CLEC16A: variants seen among roughly 807,000 people sequenced by gnomAD.
The protein encoded by CLEC16A is protein CLEC16A.
CLEC16A carries 51 observed loss-of-function variants against 109.5 expected under a neutral mutation model. The observed-to-expected ratio is 0.47, with a 90% confidence interval of 0.37 to 0.59. The LOEUF is 0.59. Among genes scored for constraint, CLEC16A ranks in the 20% least tolerant of loss-of-function variants. CLEC16A has a pLI of 0.00. For synonymous variants in CLEC16A, 673 were observed against 564.2 expected (o/e 1.19, Z -2.73); for missense variants, 1,339 against 1,394.0 (o/e 0.96, Z 0.63).
intron 9 of CLEC16A, among the ~76,000 whole-genome samples, chr16:10,980,844 T>G (rs891596921): frequency 2.0e-5 from 3 of 152,236 alleles, no homozygotes; most frequent in Non-Finnish European, 2.9e-5. Flanking sequence ...GTATAAATCC[T>G]GTGTCCTGAA....
intron 22 of CLEC16A, among the ~76,000 whole-genome samples, chr16:11,139,734 T>C (rs1006793492): frequency 6.6e-6 from 1 of 152,248 alleles, no homozygotes; most frequent in Admixed American, 6.5e-5. Flanking sequence ...ATGCTTCAAC[T>C]GTATGAACTG....
At chr16:11,111,732 A>G (rs1241134374) in intron 19 of CLEC16A, among the ~76,000 whole-genome samples, 1 of 152,180 alleles carries the variant, frequency 6.6e-6, no homozygotes, top group Non-Finnish European at 1.5e-5. Context: ...CTTTTTATCA[A>G]AAGAGCAGGC....
intron 22 of CLEC16A, among the ~76,000 whole-genome samples, chr16:11,151,292 C>T (rs2054282058): frequency 6.6e-6 from 1 of 152,196 alleles, no homozygotes; most frequent in Non-Finnish European, 1.5e-5. Flanking sequence ...GTCAGGGGGA[C>T]TGTCCATTTG....
Position 11,024,927 on chromosome 16 carries a change from C to T in CLEC16A, c.1537+6C>T, listed in dbSNP as rs1469596658. The T allele has an allele frequency of 4.4e-6, 7 of 1,592,140 alleles. No individual in the cohort carries two copies. The highest frequency in any genetic ancestry group is 1.7e-6 in the Non-Finnish European group (2 of 1,165,682). On this transcript the variant is annotated splice_donor_region_variant and intron_variant, in intron 13 of 23. Coordinates refer to ENST00000409790, the MANE Select transcript of CLEC16A (RefSeq NM_015226.3). ...TGCCATGTCTCATAATAAAGGTAAG[C>T]ACCCTTGCCTTGCCTGACTTCCTTG...
chr16:11,081,881 AAGT>A (rs2152947096), intron 19 of CLEC16A, among the ~76,000 whole-genome samples: 1 of 152,324 alleles, frequency 6.6e-6, no homozygotes, highest in African/African-American at 2.4e-5. Flanking sequence ...ATGAGAACAA[AAGT>A]AGCCAGGTGT....
chr16:10,973,750 T>C (rs2042904530), intron 7 of CLEC16A, among the ~76,000 whole-genome samples: 1 of 151,708 alleles, frequency 6.6e-6, no homozygotes, highest in Admixed American at 6.6e-5. Flanking sequence ...TTTTGATTTT[T>C]AGTAGAGATG....
chr16:11,074,655 TAGAG>T (rs752877303), intron 19 of CLEC16A, among the ~76,000 whole-genome samples: 1 of 152,234 alleles, frequency 6.6e-6, no homozygotes, highest in Non-Finnish European at 1.5e-5. Context: ...TGAGCCACAT[TAGAG>T]AGACATGTTC....
At chr16:11,105,112 G>C (rs980209598) in intron 19 of CLEC16A, among the ~76,000 whole-genome samples, 1 of 152,156 alleles carries the variant, frequency 6.6e-6, no homozygotes, top group Non-Finnish European at 1.5e-5. Flanking sequence ...ATGCTAAACA[G>C]GGCCATTTTC....
At chr16:10,966,923 A>G (rs1293547585) in intron 3 of CLEC16A, among the ~76,000 whole-genome samples, 1 of 152,196 alleles carries the variant, frequency 6.6e-6, no homozygotes, top group East Asian at 1.9e-4. Context: ...ATATTTCCAC[A>G]TATGTCAAGC....
intron 19 of CLEC16A, among the ~76,000 whole-genome samples, chr16:11,112,904 C>T (rs1315014698): frequency 1.3e-5 from 2 of 152,158 alleles, no homozygotes; most frequent in African/African-American, 4.8e-5. Context: ...TTGGTCTGCA[C>T]AGCCTTTCAT....
At chr16:11,158,548 A>T (rs1206449578) in intron 22 of CLEC16A, among the ~76,000 whole-genome samples, 1 of 152,148 alleles carries the variant, frequency 6.6e-6, no homozygotes, top group African/African-American at 2.4e-5. Flanking sequence ...TCTTAGTCTC[A>T]TACCTCAGAC....
intron 1 of CLEC16A, among the ~76,000 whole-genome samples, chr16:10,950,694 G>C (rs757449170): frequency 3.3e-5 from 5 of 152,216 alleles, no homozygotes; most frequent in Admixed American, 6.5e-5. Context: ...GGCACAGAGT[G>C]GGACACACTG....
chr16:11,108,146 C>G (rs1453317665), intron 19 of CLEC16A, among the ~76,000 whole-genome samples: 2 of 152,256 alleles, frequency 1.3e-5, no homozygotes, highest in East Asian at 3.8e-4. Flanking sequence ...TTCTGCTGGT[C>G]TGAAGCACCA....
intron 22 of CLEC16A, chr16:11,126,804 C>T (rs2052858088): frequency 6.6e-6 from 1 of 152,480 alleles, no homozygotes; most frequent in African/African-American, 2.4e-5. Context: ...GAAAGAGAGC[C>T]TTTCTTTTGG....
At chr16:11,159,081 T>G (rs1467003594) in intron 22 of CLEC16A, among the ~76,000 whole-genome samples, 2 of 152,212 alleles carry the variant, frequency 1.3e-5, no homozygotes, top group Non-Finnish European at 2.9e-5. Flanking sequence ...AGGTGTTATG[T>G]CAAAATCCAG....
intron 10 of CLEC16A, among the ~76,000 whole-genome samples, chr16:11,002,022 A>C (rs962125021): frequency 2.0e-5 from 3 of 152,148 alleles, no homozygotes; most frequent in African/African-American, 7.2e-5. Flanking sequence ...AAATGAACTT[A>C]TTTGGGTTAA....
chr16:11,083,310 A>G (rs902047024), intron 19 of CLEC16A, among the ~76,000 whole-genome samples: 4 of 152,164 alleles, frequency 2.6e-5, no homozygotes, highest in Non-Finnish European at 5.9e-5. Flanking sequence ...CTATAGGTGG[A>G]CACCACCACG....
chr16:10,991,423 C>CAAAAAAAAAAAAA (rs756161193), intron 10 of CLEC16A, among the ~76,000 whole-genome samples: 2 of 63,340 alleles, frequency 3.2e-5, no homozygotes, highest in African/African-American at 8.9e-5. Flanking sequence ...GACTCCGTCT[C>CAAAAAAAAAAAAA]AAAAAAAAAA....
chr16:11,139,465 C>T (rs1295652512), intron 22 of CLEC16A, among the ~76,000 whole-genome samples: 1 of 152,154 alleles, frequency 6.6e-6, no homozygotes, highest in Non-Finnish European at 1.5e-5. Context: ...TTTTTAACAT[C>T]TCAAATTCCC....
Sources: gnomAD v4.1 joint callset for allele counts (sites outside exome capture counted in the v4.1 genomes callset) on GRCh38, gnomAD v4.1.1 for gene constraint, MANE v1.5 for transcripts, NCBI Gene and HGNC (gene_info 2026-07-23, HGNC 2026-07-21) for gene names.